Variants in PAFAH1B3 observed in about 807,000 individuals in gnomAD.
PAFAH1B3 encodes the protein platelet activating factor acetylhydrolase 1b catalytic subunit 3.
Under a neutral mutation model 24.4 loss-of-function variants are expected in PAFAH1B3, and 15 were observed. The ratio of observed to expected loss-of-function variants is 0.62; its 90% confidence interval spans 0.41 to 0.95. The LOEUF is 0.95. Ranked by LOEUF, PAFAH1B3 falls within the 40% of genes least tolerant of loss-of-function variation. PAFAH1B3 has a pLI of 0.00. For synonymous variants in PAFAH1B3, 144 were observed against 126.5 expected (o/e 1.14, Z -0.93); for missense variants, 266 against 312.2 (o/e 0.85, Z 1.12).
In PAFAH1B3 at chr19:42,298,490, A is replaced by AAAAT. The variant is rs561121109; in HGVS notation, c.409-1129_409-1126dup. ...TGGCAACAGAGCAAGACTCTGTCCC[A>AAAAT]AAATAAATAAATAAATAAAAGATAT... On this transcript the variant is annotated intron_variant, in intron 4 of 4. Coordinates refer to ENST00000262890, the MANE Select transcript of PAFAH1B3 (RefSeq NM_002573.4). 1.1e-3 allele frequency among the ~76,000 whole-genome samples: 169 copies of AAAAT among 152,296 alleles called. 1 individual carries two copies. Among genetic ancestry groups the AAAAT allele is most frequent in the Admixed American group, 5.3e-3 (81 of 15,290 alleles).
At chr19:42,299,689 A>G (rs2038587835) in intron 4 of PAFAH1B3, among the ~76,000 whole-genome samples, 3 of 152,158 alleles carry the variant, frequency 2.0e-5, no homozygotes, top group Admixed American at 6.5e-5. Flanking sequence ...CGGTCTCCCA[A>G]AGTGCTGGGA....
At chr19:42,300,344 C>T in intron 2 of PAFAH1B3, 57 bp from the exon 3 acceptor site, 1 of 1,375,264 alleles carries the variant, frequency 7.3e-7, no homozygotes, top group African/African-American at 1.4e-5. Context: ...GCACTGTCCG[C>T]ATGGACCATC....
chr19:42,301,595 G>A (rs566451439), intron 2 of PAFAH1B3, among the ~76,000 whole-genome samples: 1 of 152,214 alleles, frequency 6.6e-6, no homozygotes, highest in Non-Finnish European at 1.5e-5. Context: ...TCTTTGTGGA[G>A]TGCCATTAGA....
chr19:42,297,582 T>A (rs2038552988), intron 4 of PAFAH1B3, among the ~76,000 whole-genome samples: 1 of 150,926 alleles, frequency 6.6e-6, no homozygotes, highest in Non-Finnish European at 1.5e-5. Context: ...TTTCTTTTTT[T>A]TTTTTTTTTG....
chr19:42,301,361 C>T (rs1323712686), intron 2 of PAFAH1B3, among the ~76,000 whole-genome samples: 1 of 152,168 alleles, frequency 6.6e-6, no homozygotes. Context: ...CATACCACTG[C>T]ACGCCAGCCT....
chr19:42,300,321 T>C (rs969012557), intron 2 of PAFAH1B3, 34 bp from the exon 3 acceptor site: 17 of 1,573,350 alleles, frequency 1.1e-5, no homozygotes, highest in Non-Finnish European at 1.4e-5. Context: ...CAAGAAGTGG[T>C]AGGGGCACAA....
At chr19:42,299,802 T>A (rs2038589639) in intron 4 of PAFAH1B3, 168 bp downstream of exon 4, 3 of 871,558 alleles carry the variant, frequency 3.4e-6, no homozygotes, top group Non-Finnish European at 5.4e-6. Context: ...TCTCGGAGCA[T>A]ATTCTCAACC....
At chr19:42,301,122 T>C (rs2038618524) in intron 2 of PAFAH1B3, among the ~76,000 whole-genome samples, 1 of 152,186 alleles carries the variant, frequency 6.6e-6, no homozygotes, top group Non-Finnish European at 1.5e-5. Flanking sequence ...GCCTAGAGTC[T>C]CTCACTTTAA....
intron 4 of PAFAH1B3, among the ~76,000 whole-genome samples, chr19:42,298,021 C>T (rs1178310882): frequency 1.3e-5 from 2 of 150,750 alleles, no homozygotes; most frequent in South Asian, 2.1e-4. Context: ...ATGGTGAAAC[C>T]CCATCTCTAA....
intron 4 of PAFAH1B3, among the ~76,000 whole-genome samples, chr19:42,297,950 G>A (rs566313349): frequency 2.0e-5 from 3 of 150,064 alleles, no homozygotes; most frequent in African/African-American, 4.9e-5. Context: ...ATCCCAGCAT[G>A]ATGGGAGGCA....
chr19:42,298,988 T>C (rs1178346205), intron 4 of PAFAH1B3, among the ~76,000 whole-genome samples: 1 of 151,698 alleles, frequency 6.6e-6, no homozygotes, highest in African/African-American at 2.4e-5. Context: ...TAATTTTTTG[T>C]ATTTTTAGTA....
Position 42,302,440 on chromosome 19 carries a change from C to G in PAFAH1B3, c.-131G>C. ...GACCGTCCCAACGCTAGCACACCCG[C>G]GGAGGACGAAGGCCGATACAGGGCG... is the stretch of plus-strand genomic sequence containing the variant. On this transcript the variant is annotated 5_prime_UTR_variant, in exon 1 of 5. Transcript: ENST00000262890. 2 of 792,072 alleles carry G rather than the reference C, an allele frequency of 2.5e-6. No homozygotes were observed. Among genetic ancestry groups the G allele is most frequent in the Non-Finnish European group, 3.9e-6 (2 of 508,900 alleles). 49.1% of individuals were successfully genotyped at this position (792,072 alleles called of 1,614,324 possible). A position where few individuals can be genotyped will look rare whatever the true frequency, so the allele number is the denominator to read the frequency against.
chr19:42,302,624 G>C lies in PAFAH1B3; in HGVS notation c.-315C>G, dbSNP rs2038656692. 2.7e-6 allele frequency: 1 copy of C among 370,446 alleles called. No individual in the cohort carries two copies. Among genetic ancestry groups the C allele is most frequent in the East Asian group, 5.2e-5 (1 of 19,082 alleles). 22.9% of individuals were successfully genotyped at this position (370,446 alleles called of 1,614,324 possible). ...ACCCGGCACGGGGTGGGGGGAGGGA[G>C]AGGCGAGACCATCCAGCTCCCGAGG... On this transcript the variant is annotated 5_prime_UTR_variant, in exon 1 of 5. Transcript: ENST00000262890.
chr19:42,300,357 C>T, intron 2 of PAFAH1B3, 70 bp from the exon 3 acceptor site: 2 of 1,316,702 alleles, frequency 1.5e-6, no homozygotes, highest in Non-Finnish European at 2.2e-6. Flanking sequence ...GGACCATCCC[C>T]CTCTGTCCAG....
chr19:42,302,768 T>G, upstream of PAFAH1B3: 1 of 128,854 alleles, frequency 7.8e-6, no homozygotes, highest in Admixed American at 9.5e-5. Flanking sequence ...CCATTTGCTG[T>G]ACAGAGTGAA....
At chr19:42,301,808 T>C (rs1317265356) in intron 2 of PAFAH1B3, 142 bp downstream of exon 2, 1 of 633,754 alleles carries the variant, frequency 1.6e-6, no homozygotes, top group Non-Finnish European at 2.8e-6. Flanking sequence ...TGTTGCACCT[T>C]ACACCAAGAT....
At chr19:42,302,088 C>T (rs1160918217) in intron 1 of PAFAH1B3, 49 bp from the exon 2 acceptor site, 1 of 1,517,338 alleles carries the variant, frequency 6.6e-7, no homozygotes, top group South Asian at 1.2e-5. Flanking sequence ...CTCCAGGGCC[C>T]GCCCCGCCCT....
chr19:42,300,406 T>G, intron 2 of PAFAH1B3, 119 bp from the exon 3 acceptor site: 1 of 848,678 alleles, frequency 1.2e-6, no homozygotes. Context: ...CCTTACTTCA[T>G]GGAAGCAGTC....
chr19:42,302,050 G>C lies in PAFAH1B3; in HGVS notation c.79-11C>G. 1 of 1,561,378 alleles carries C rather than the reference G, an allele frequency of 6.4e-7. No homozygotes were observed. Among genetic ancestry groups the C allele is most frequent in the Non-Finnish European group, 8.7e-7 (1 of 1,152,658 alleles). ...CACGAACCGATGGTGCTGCGGGAGC[G>C]CGCGAGAGGGAGTCAATGGCATGCA... On this transcript the variant is annotated splice_polypyrimidine_tract_variant and intron_variant, in intron 1 of 4. Coordinates refer to ENST00000262890, the MANE Select transcript of PAFAH1B3 (RefSeq NM_002573.4).
Sources: allele counts gnomAD v4.1 joint callset (sites outside exome capture counted in the v4.1 genomes callset), GRCh38; gene constraint gnomAD v4.1.1; transcripts MANE v1.5; gene names NCBI Gene and HGNC (gene_info 2026-07-23, HGNC 2026-07-21).